Variants in MAGEA11 observed in about 807,000 individuals in gnomAD.
MAGEA11 encodes MAGE family member A11, also known as melanoma-associated antigen 11.
MAGEA11 carries 1 observed loss-of-function variant against 8.4 expected under a neutral mutation model. The ratio of observed to expected loss-of-function variants is 0.12; its 90% CI spans 0.04 to 0.57. The LOEUF is 0.57. Ranked by LOEUF, MAGEA11 falls within the 20% of genes least tolerant of loss-of-function variation. The pLI, the probability that MAGEA11 is intolerant of heterozygous loss-of-function variation, is 0.91. For synonymous variants in MAGEA11, 127 were observed against 119.3 expected (o/e 1.06, Z -0.42); for missense variants, 209 against 317.3 (o/e 0.66, Z 2.59).
At chrX:149,698,617 T>C (rs2090339446) in intron 1 of MAGEA11, among the ~76,000 whole-genome samples, 1 of 112,125 alleles carries the variant, frequency 8.9e-6, no homozygotes, top group Non-Finnish European at 1.9e-5. Flanking sequence ...GCTGGGCTTA[T>C]TGTCTTGTGA....
At chrX:149,702,363 T>A (rs1165019499) in intron 1 of MAGEA11, among the ~76,000 whole-genome samples, 1 of 111,874 alleles carries the variant, frequency 8.9e-6, no homozygotes, top group Non-Finnish European at 1.9e-5. Flanking sequence ...ACATATATGT[T>A]TATAATGTTT....
chrX:149,697,609 TA>T (rs1367409442), intron 1 of MAGEA11, among the ~76,000 whole-genome samples: 1 of 109,958 alleles, frequency 9.1e-6, no homozygotes, highest in East Asian at 2.9e-4. Context: ...AGGGGGTTCC[TA>T]GGGGTGGGAA....
chrX:149,712,996 T>C, intron 1 of MAGEA11, 147 bp from the exon 2 acceptor site: 1 of 434,217 alleles, frequency 2.3e-6, no homozygotes. Context: ...CTTGGTATCA[T>C]GAGAAAGACC....
At chrX:149,707,505 G>A (rs1557361583), upstream of MAGEA11, among the ~76,000 whole-genome samples, 1 of 111,761 alleles carries the variant, frequency 8.9e-6, no homozygotes, top group Non-Finnish European at 1.9e-5. Flanking sequence ...TCCACAAATT[G>A]TTTACATATG....
intron 1 of MAGEA11, among the ~76,000 whole-genome samples, chrX:149,701,889 T>C (rs1366655446): frequency 8.9e-6 from 1 of 111,800 alleles, no homozygotes; most frequent in Non-Finnish European, 1.9e-5. Context: ...ATATGCGGCG[T>C]TATTTCTGAG....
upstream of MAGEA11, among the ~76,000 whole-genome samples, chrX:149,709,503 CT>C (rs1301369103): frequency 7.2e-5 from 8 of 111,607 alleles, no homozygotes; most frequent in African/African-American, 2.6e-4. Context: ...AACTCATTTT[CT>C]GAGACTAGTG....
At chrX:149,704,645 C>A (rs782306956) in intron 1 of MAGEA11, among the ~76,000 whole-genome samples, 138 of 111,856 alleles carry the variant, frequency 1.2e-3, no homozygotes, top group African/African-American at 4.2e-3. Context: ...TTTAGGGTAC[C>A]CTGGCAGCTC....
chrX:149,712,334 G>A (rs1557361994), intron 1 of MAGEA11, among the ~76,000 whole-genome samples, 172 bp downstream of exon 1: 1 of 111,777 alleles, frequency 8.9e-6, no homozygotes, highest in East Asian at 2.8e-4. Flanking sequence ...TGTGACCCGG[G>A]CAGAGGCAGT....
intron 1 of MAGEA11, among the ~76,000 whole-genome samples, chrX:149,704,199 G>A (rs1451678396): frequency 8.9e-6 from 1 of 112,002 alleles, no homozygotes; most frequent in African/African-American, 3.2e-5. Context: ...CATATGACAT[G>A]GAGACAAATG....
intron 1 of MAGEA11, among the ~76,000 whole-genome samples, chrX:149,696,234 G>A (rs1178801920): frequency 1.8e-5 from 2 of 109,561 alleles, no homozygotes; most frequent in African/African-American, 3.3e-5. Flanking sequence ...TCCTGGAAGA[G>A]GAGAGAAAGG....
At chrX:149,697,504 G>T (rs2090334516) in intron 1 of MAGEA11, among the ~76,000 whole-genome samples, 1 of 110,608 alleles carries the variant, frequency 9.0e-6, no homozygotes, top group South Asian at 3.9e-4. Context: ...GTCTTTTCGA[G>T]GCTGATGGAC....
Position 149,716,639 on chromosome X carries a change from C to T in MAGEA11, c.1153C>T (p.Leu385=), listed in dbSNP as rs782009836. The change falls in exon 5 of 5, where the codon CTG becomes TTG. Residue 385 remains leucine (L), a synonymous_variant. Transcript: ENST00000355220. ...CACTGATCCTGCATGCTATGAGTTCCTGTGGGGTCCAAGGGCCCACGCTGA... is the reference window on the plus strand; with the variant it reads ...CACTGATCCTGCATGCTATGAGTTCTTGTGGGGTCCAAGGGCCCACGCTGA... ...PGTDPACYEF[L]WGPRAHAETS... 2.5e-6 allele frequency: 3 copies of T among 1,210,475 alleles called. No homozygotes were observed. The highest frequency in any genetic ancestry group is 5.9e-5 in the East Asian group (2 of 33,773).
At chrX:149,713,279 G>A in intron 2 of MAGEA11, 24 bp downstream of exon 2, 1 of 1,032,412 alleles carries the variant, frequency 9.7e-7, no homozygotes, top group Non-Finnish European at 1.3e-6. Context: ...TTGGCCCTTG[G>A]AGTTCCAAGG....
chrX:149,711,686 G>C (rs1489179527), upstream of MAGEA11: 4 of 215,839 alleles, frequency 1.9e-5, no homozygotes, highest in African/African-American at 1.2e-4. Context: ...AATCCAGCTC[G>C]GTCCCTCCTG....
chrX:149,713,094 C>CCCG, intron 1 of MAGEA11, 49 bp from the exon 2 acceptor site: 1 of 751,978 alleles, frequency 1.3e-6, no homozygotes, highest in Non-Finnish European at 2.0e-6. Context: ...CCCAGAACAG[C>CCCG]CCCCCCCCAT....
In MAGEA11 at chrX:149,702,650, C is replaced by T. The variant is rs189564046; in HGVS notation, c.10-11831C>T. Among the ~76,000 whole-genome samples the T allele has an allele frequency of 4.7e-3, 523 of 111,085 alleles. 6 individuals carry two copies. Among genetic ancestry groups the T allele is most frequent in the African/African-American group, 0.016 (501 of 30,623 alleles). ...TATTTCCCCAATCTCTGACTTTAAT[C>T]GAGGTGATTAATCCATTTACATTTA... is the stretch of plus-strand genomic sequence containing the variant. On this transcript the variant is annotated intron_variant, in intron 1 of 3. Coordinates refer to the MAGEA11 transcript ENST00000333104.
chrX:149,692,481 C>G (rs969820877), intron 1 of MAGEA11, among the ~76,000 whole-genome samples: 3 of 110,562 alleles, frequency 2.7e-5, no homozygotes, highest in East Asian at 2.8e-4. Context: ...ATTGGCAAAG[C>G]CCCTGTTAGA....
chrX:149,692,681 A>G (rs2090315287), intron 1 of MAGEA11, among the ~76,000 whole-genome samples: 2 of 111,865 alleles, frequency 1.8e-5, no homozygotes, highest in Admixed American at 9.5e-5. Context: ...CATATTGTTC[A>G]GTTTTTCCAC....
rs782551976 is a variant in MAGEA11, at chrX:149,700,812, G to A, written c.9+11828G>A. 2.1e-3 allele frequency among the ~76,000 whole-genome samples: 218 copies of A among 101,590 alleles called. 3 individuals are homozygous for A. The highest frequency in any genetic ancestry group is 0.014 in the Middle Eastern group (3 of 210). 88.2% of individuals were successfully genotyped at this position (101,590 alleles called of 115,157 possible). A position where few individuals can be genotyped will look rare whatever the true frequency, so the allele number is the denominator to read the frequency against. ...TTCCCACCTATGAGTGAGAATATGC[G>A]GTGTTTGGTTTTTTGTTCTTGCGAT... On this transcript the variant is annotated intron_variant, in intron 1 of 3. Coordinates refer to the MAGEA11 transcript ENST00000333104.
Sources: gnomAD v4.1 joint callset for allele counts (sites outside exome capture counted in the v4.1 genomes callset) on GRCh38, gnomAD v4.1.1 for gene constraint, MANE v1.5 for transcripts, NCBI Gene and HGNC (gene_info 2026-07-23, HGNC 2026-07-21) for gene names.